The following SOX5 variants were observed in gnomAD, a reference collection of about 807,000 sequenced individuals.
The protein encoded by SOX5 is SRY-box transcription factor 5, also known as transcription factor SOX-5.
Under a neutral mutation model 92.0 loss-of-function variants are expected in SOX5, and 9 were observed. That is an observed-to-expected ratio of 0.10 (90% CI 0.06 to 0.17). The LOEUF (loss-of-function observed/expected upper bound fraction) is 0.17, where lower values mean the gene tolerates loss of function less well. SOX5 is among the 10% of genes least tolerant of loss of function. SOX5 has a pLI of 1.00. For missense variants in SOX5, 642 were observed against 944.5 expected (o/e 0.68, Z 4.20); for synonymous variants, 344 against 336.3 (o/e 1.02, Z -0.25).
intron 4 of SOX5, among the ~76,000 whole-genome samples, chr12:24,031,592 C>T (rs1275313672): frequency 2.0e-5 from 3 of 151,758 alleles, no homozygotes; most frequent in African/African-American, 4.8e-5. Context: ...TTTCCTGATT[C>T]GAATCCTATG....
chr12:24,340,241 C>G (rs1242045339), intron 2 of SOX5, among the ~76,000 whole-genome samples: 1 of 152,226 alleles, frequency 6.6e-6, no homozygotes, highest in Non-Finnish European at 1.5e-5. Context: ...ATATCACACT[C>G]ATTACTGAAT....
intron 1 of SOX5, among the ~76,000 whole-genome samples, chr12:24,509,682 GC>G (rs1949123149): frequency 1.3e-5 from 2 of 152,200 alleles, no homozygotes; most frequent in Admixed American, 6.5e-5. Context: ...TATGCAGAAT[GC>G]CCCGGCCTCT....
intron 4 of SOX5, among the ~76,000 whole-genome samples, chr12:24,172,597 C>T (rs748771554): frequency 6.6e-6 from 1 of 151,988 alleles, no homozygotes; most frequent in East Asian, 1.9e-4. Flanking sequence ...CAGTTTGGAT[C>T]GGAGGAACTG....
intron 9 of SOX5, among the ~76,000 whole-genome samples, chr12:23,591,082 CTTATT>C (rs141205440): frequency 0.09 from 13,682 of 151,760 alleles, 800 homozygotes; most frequent in Non-Finnish European, 0.13. Flanking sequence ...TTCTCAATGT[CTTATT>C]TTATGTGCTC....
chr12:24,374,007 C>T (rs1956994449), intron 1 of SOX5, among the ~76,000 whole-genome samples: 2 of 151,506 alleles, frequency 1.3e-5, no homozygotes, highest in South Asian at 4.2e-4. Flanking sequence ...TGAAGATCTC[C>T]AAGATATGTC....
intron 8 of SOX5, among the ~76,000 whole-genome samples, chr12:23,613,335 G>GAA: frequency 6.9e-6 from 1 of 144,320 alleles, no homozygotes; most frequent in South Asian, 2.2e-4. Flanking sequence ...TATCAAAAGA[G>GAA]AAAAAAAAAA....
chr12:23,688,048 G>A (rs759073584), intron 6 of SOX5, among the ~76,000 whole-genome samples: 13 of 151,828 alleles, frequency 8.6e-5, no homozygotes, highest in Non-Finnish European at 1.3e-4. Flanking sequence ...TGGACCTTTG[G>A]GTCCCAAACA....
chr12:23,567,814 A>T (rs1258997084), intron 10 of SOX5, among the ~76,000 whole-genome samples: 1 of 152,096 alleles, frequency 6.6e-6, no homozygotes, highest in Non-Finnish European at 1.5e-5. Flanking sequence ...AAATATTCTC[A>T]AAATTTCTGT....
chr12:23,593,287 T>C (rs1951845343), intron 9 of SOX5, among the ~76,000 whole-genome samples: 1 of 152,114 alleles, frequency 6.6e-6, no homozygotes, highest in Non-Finnish European at 1.5e-5. Flanking sequence ...GTTGAAGACC[T>C]TTTCTCCCAC....
intron 6 of SOX5, among the ~76,000 whole-genome samples, chr12:23,691,707 TTA>T (rs1354181492): frequency 6.6e-6 from 1 of 152,164 alleles, no homozygotes; most frequent in East Asian, 1.9e-4. Context: ...ATAGCTGAAT[TTA>T]TGTCTTCTTT....
intron 3 of SOX5, among the ~76,000 whole-genome samples, chr12:24,217,894 A>G (rs975736030): frequency 6.6e-6 from 1 of 152,210 alleles, no homozygotes; most frequent in Non-Finnish European, 1.5e-5. Flanking sequence ...ATCATTATCC[A>G]TTAGAGAAAT....
chr12:23,725,928 C>T (rs2093085798), intron 6 of SOX5, among the ~76,000 whole-genome samples: 2 of 152,144 alleles, frequency 1.3e-5, no homozygotes, highest in Admixed American at 6.5e-5. Flanking sequence ...GAATTTTCCA[C>T]TTCTAGAATA....
At chr12:23,991,299 C>T (rs1056811208) in intron 4 of SOX5, among the ~76,000 whole-genome samples, 1 of 151,240 alleles carries the variant, frequency 6.6e-6, no homozygotes, top group Admixed American at 6.6e-5. Context: ...GAGGTCAAGG[C>T]TGCAAGACCT....
Position 23,587,723 on chromosome 12 carries a change from C to T in SOX5, c.1165-11885G>A, listed in dbSNP as rs142472342. ...ATTTCGAATAAACACCATAAACATC[C>T]TTAACACTATTATTTATATAGACCT... is the stretch of plus-strand genomic sequence containing the variant. On this transcript the variant is annotated intron_variant, in intron 9 of 14. Transcript: ENST00000451604. Among the ~76,000 whole-genome samples the T allele has an allele frequency of 3.8e-3, 575 of 152,122 alleles. 3 individuals are homozygous for T. Among genetic ancestry groups the T allele is most frequent in the African/African-American group, 0.013 (532 of 41,512 alleles).
intron 9 of SOX5, among the ~76,000 whole-genome samples, chr12:23,581,888 G>GA (rs200972596): frequency 3.8e-4 from 57 of 151,006 alleles, no homozygotes; most frequent in African/African-American, 6.1e-4. Flanking sequence ...CACAATGATT[G>GA]AAAAAATATA....
At chr12:24,144,423 C>G (rs1436466276) in intron 4 of SOX5, among the ~76,000 whole-genome samples, 3 of 152,080 alleles carry the variant, frequency 2.0e-5, no homozygotes, top group African/African-American at 7.2e-5. Flanking sequence ...TTATTTAAAC[C>G]TACCTAAAAG....
At chr12:24,357,352 G>A (rs1027980527) in intron 2 of SOX5, 1 of 152,170 alleles carries the variant, frequency 6.6e-6, no homozygotes, top group Non-Finnish European at 1.5e-5. Flanking sequence ...TGCAGTGCAC[G>A]AGTATAGGTT....
At chr12:24,435,132 T>C (rs1939155431) in intron 1 of SOX5, among the ~76,000 whole-genome samples, 1 of 152,162 alleles carries the variant, frequency 6.6e-6, no homozygotes, top group Non-Finnish European at 1.5e-5. Context: ...TTACAAAAAA[T>C]TTCCTGGGCC....
At chr12:24,119,749 T>A (rs369768186) in intron 4 of SOX5, among the ~76,000 whole-genome samples, 2 of 152,118 alleles carry the variant, frequency 1.3e-5, no homozygotes, top group South Asian at 4.1e-4. Context: ...CAGCTCAAGA[T>A]CTGTAACCAA....
Sources: gnomAD v4.1 joint callset for allele counts (sites outside exome capture counted in the v4.1 genomes callset) on GRCh38, gnomAD v4.1.1 for gene constraint, MANE v1.5 for transcripts, NCBI Gene and HGNC (gene_info 2026-07-23, HGNC 2026-07-21) for gene names.